The following MNAT1 variants were observed in gnomAD, a reference collection of about 807,000 sequenced individuals.
The protein encoded by MNAT1 is MNAT1 component of CDK activating kinase.
A neutral mutation model predicts 42.0 loss-of-function variants in MNAT1; 43 were observed. The ratio of observed to expected loss-of-function variants is 1.02; its 90% confidence interval spans 0.80 to 1.32. The LOEUF (loss-of-function observed/expected upper bound fraction) is 1.32. Ranked by LOEUF, MNAT1 falls within the 40% of genes most tolerant of loss-of-function variation. The pLI is 0.00. For missense variants in MNAT1, 306 were observed against 350.4 expected (o/e 0.87, Z 1.01); for synonymous variants, 118 against 120.0 (o/e 0.98, Z 0.11).
At position 60,922,968 on chromosome 14, in the gene MNAT1, G is replaced by T. The variant is rs530674347; in HGVS notation, c.809+43133G>T. ...AATTTTGGCAACTTATATGCAGTAA[G>T]TATCTGTTATTTTGTTGTAGGTGAA... On this transcript the variant is annotated intron_variant, in intron 7 of 7. Transcript: ENST00000261245. Among the ~76,000 whole-genome samples the T allele has an allele frequency of 2.6e-5, 4 of 152,268 alleles. No homozygotes were observed. The South Asian group carries it at 6.2e-4, about 24-fold the overall frequency.
At chr14:60,780,697 C>T in intron 1 of MNAT1, 1 of 790,504 alleles carries the variant, frequency 1.3e-6, no homozygotes, top group Non-Finnish European at 2.0e-6. Flanking sequence ...TTAATTTATA[C>T]ATGGAGAAAA....
intron 1 of MNAT1, chr14:60,780,419 T>C: frequency 6.4e-7 from 1 of 1,566,556 alleles, no homozygotes; most frequent in Non-Finnish European, 8.8e-7. Flanking sequence ...GTTGGAAGTT[T>C]CTTGTTCATT....
chr14:60,757,272 T>C (rs752644096), intron 1 of MNAT1, among the ~76,000 whole-genome samples: 1 of 152,218 alleles, frequency 6.6e-6, no homozygotes, highest in Non-Finnish European at 1.5e-5. Context: ...TATTTACCTC[T>C]TTCCTCAGTT....
intron 3 of MNAT1, among the ~76,000 whole-genome samples, chr14:60,806,597 A>T (rs1275685729): frequency 6.6e-6 from 1 of 152,248 alleles, no homozygotes; most frequent in Non-Finnish European, 1.5e-5. Flanking sequence ...TGGGAGGCCA[A>T]CGCGGGTGGA....
chr14:60,938,389 G>A (rs892366347), intron 7 of MNAT1, among the ~76,000 whole-genome samples: 9 of 152,110 alleles, frequency 5.9e-5, no homozygotes, highest in African/African-American at 2.2e-4. Context: ...TTATTATTTT[G>A]AGATATGTCC....
At position 60,858,188 on chromosome 14, in the gene MNAT1, C is replaced by G. The variant is rs550136891; in HGVS notation, c.688-21526C>G. ...ATGGTTAAACTAATTTACACTCCTA[C>G]CAACAGTGTAAAAGCATTCCTATTT... is the stretch of plus-strand genomic sequence containing the variant. On this transcript the variant is annotated intron_variant, in intron 6 of 7. Coordinates refer to ENST00000261245, the MANE Select transcript of MNAT1 (RefSeq NM_002431.4). Among the ~76,000 whole-genome samples, 21 of 152,324 alleles carry G rather than the reference C, an allele frequency of 1.4e-4. 1 individual carries two copies. In the South Asian group the frequency reaches 4.1e-3, roughly 30 times the overall value.
chr14:60,928,438 T>A (rs2035809207), intron 7 of MNAT1, among the ~76,000 whole-genome samples: 1 of 152,218 alleles, frequency 6.6e-6, no homozygotes, highest in Non-Finnish European at 1.5e-5. Context: ...GCTGCCAAAC[T>A]GTTTTATAAA....
intron 7 of MNAT1, among the ~76,000 whole-genome samples, chr14:60,907,909 T>C (rs556555620): frequency 2.6e-5 from 4 of 152,164 alleles, no homozygotes; most frequent in Admixed American, 2.0e-4. Flanking sequence ...CTCATCCTTA[T>C]CACTAAGATA....
At chr14:60,883,664 T>C (rs2034598273) in intron 7 of MNAT1, among the ~76,000 whole-genome samples, 1 of 152,166 alleles carries the variant, frequency 6.6e-6, no homozygotes, top group Admixed American at 6.5e-5. Flanking sequence ...TAGATTGCTT[T>C]GGGTACTATG....
At chr14:60,932,156 G>T (rs2035901834) in intron 7 of MNAT1, among the ~76,000 whole-genome samples, 2 of 151,762 alleles carry the variant, frequency 1.3e-5, no homozygotes, top group Admixed American at 6.6e-5. Flanking sequence ...TTAGAGTTCT[G>T]TTATCTTTTT....
chr14:60,850,255 A>C (rs1337933667), intron 6 of MNAT1, among the ~76,000 whole-genome samples: 1 of 152,186 alleles, frequency 6.6e-6, no homozygotes, highest in East Asian at 1.9e-4. Context: ...ATTACTTCTG[A>C]TGCATGGCCT....
Position 60,754,341 on chromosome 14 carries a change from C to CTT in MNAT1, c.89+19407_89+19408dup, listed in dbSNP as rs1302508545. On this transcript the variant is annotated intron_variant, in intron 1 of 7. Coordinates refer to ENST00000261245, the MANE Select transcript of MNAT1 (RefSeq NM_002431.4). ...TTTTAATAATAGGGAGAAATTTCTT[C>CTT]TTTTTTTTTTTTTTTTTTGAGACCG... Among the ~76,000 whole-genome samples the CTT allele has an allele frequency of 4.1e-3, 513 of 126,174 alleles. 5 individuals carry two copies. Among genetic ancestry groups the CTT allele is most frequent in the African/African-American group, 0.014 (466 of 33,974 alleles). 82.8% of individuals were successfully genotyped at this position (126,174 alleles called of 152,430 possible). A position where few individuals can be genotyped will look rare whatever the true frequency, so the allele number is the denominator to read the frequency against.
intron 7 of MNAT1, among the ~76,000 whole-genome samples, chr14:60,921,651 A>G (rs1287476835): frequency 6.6e-6 from 1 of 152,220 alleles, no homozygotes; most frequent in Non-Finnish European, 1.5e-5. Context: ...AAATAAAAAT[A>G]TATTTAAACT....
chr14:60,904,976 C>CATTTTTTTTTTTT (rs2035162682), intron 7 of MNAT1, among the ~76,000 whole-genome samples: 2 of 79,010 alleles, frequency 2.5e-5, no homozygotes, highest in African/African-American at 8.9e-5. Flanking sequence ...TCAGCAGTTC[C>CATTTTTTTTTTTT]TTTTTTTTTT....
At chr14:60,943,970 A>G (rs1216788221) in intron 7 of MNAT1, among the ~76,000 whole-genome samples, 1 of 152,236 alleles carries the variant, frequency 6.6e-6, no homozygotes, top group East Asian at 1.9e-4. Context: ...TGTATATAGG[A>G]TGAACAAATT....
chr14:60,782,791 TG>T (rs2031509100), intron 1 of MNAT1, among the ~76,000 whole-genome samples: 1 of 152,220 alleles, frequency 6.6e-6, no homozygotes, highest in African/African-American at 2.4e-5. Context: ...GCAGGCAAAC[TG>T]GCTTCAGAGT....
chr14:60,963,113 CTGGGATTACAGGTGCG>C (rs1218628579), intron 7 of MNAT1, among the ~76,000 whole-genome samples: 1 of 152,132 alleles, frequency 6.6e-6, no homozygotes, highest in African/African-American at 2.4e-5. Flanking sequence ...TCCTGAGTAG[CTGGGATTACAGGTGCG>C]TGCCACCACG....
intron 6 of MNAT1, among the ~76,000 whole-genome samples, chr14:60,867,128 A>C (rs1431469472): frequency 6.6e-6 from 1 of 152,108 alleles, no homozygotes; most frequent in East Asian, 1.9e-4. Context: ...ATTTAGAGCC[A>C]TTTTATTTCT....
intron 6 of MNAT1, among the ~76,000 whole-genome samples, chr14:60,855,404 C>T (rs933693888): frequency 1.3e-5 from 2 of 152,158 alleles, no homozygotes; most frequent in African/African-American, 4.8e-5. Flanking sequence ...TCTGCTCAAA[C>T]AGCTGCCCCA....
Sources: gnomAD v4.1 joint callset for allele counts (sites outside exome capture counted in the v4.1 genomes callset) on GRCh38, gnomAD v4.1.1 for gene constraint, MANE v1.5 for transcripts, NCBI Gene and HGNC (gene_info 2026-07-23, HGNC 2026-07-21) for gene names.